EPB41L4A: variants seen among roughly 807,000 people sequenced by gnomAD.
The protein encoded by EPB41L4A is erythrocyte membrane protein band 4.1 like 4A.
Under a neutral mutation model 108.6 loss-of-function variants are expected in EPB41L4A, and 100 were observed. The observed-to-expected ratio is 0.92, with a 90% CI of 0.78 to 1.09. EPB41L4A has a LOEUF of 1.09. Among genes scored for constraint, EPB41L4A ranks in the 50% least tolerant of loss-of-function variants. The pLI, the probability that EPB41L4A is intolerant of heterozygous loss-of-function variation, is 0.00. For missense variants in EPB41L4A, 1,030 were observed against 842.7 expected (o/e 1.22, Z -2.75); for synonymous variants, 319 against 289.0 (o/e 1.10, Z -1.05).
intron 1 of EPB41L4A, among the ~76,000 whole-genome samples, chr5:112,367,179 C>T (rs571184161): frequency 1.3e-5 from 2 of 152,312 alleles, no homozygotes; most frequent in South Asian, 4.2e-4. Flanking sequence ...TCAGCTCTGC[C>T]CCTAGAGGAA....
At chr5:112,287,054 G>A (rs1382424000) in intron 2 of EPB41L4A, among the ~76,000 whole-genome samples, 5 of 152,108 alleles carry the variant, frequency 3.3e-5, no homozygotes, top group African/African-American at 1.2e-4. Flanking sequence ...GTTGCTGGTT[G>A]CTCATATTTC....
intron 2 of EPB41L4A, among the ~76,000 whole-genome samples, chr5:112,290,502 T>C (rs1753576865): frequency 6.6e-6 from 1 of 152,132 alleles, no homozygotes; most frequent in African/African-American, 2.4e-5. Flanking sequence ...CTTGAGAAAG[T>C]CCTGAATCCC....
intron 2 of EPB41L4A, among the ~76,000 whole-genome samples, chr5:112,293,185 A>T (rs1753761516): frequency 6.6e-6 from 1 of 151,706 alleles, no homozygotes; most frequent in South Asian, 2.1e-4. Flanking sequence ...TTGTACCTTT[A>T]TTGTTTTCAA....
At chr5:112,158,456 T>C (rs1028863640), downstream of EPB41L4A, 5 of 422,860 alleles carry the variant, frequency 1.2e-5, no homozygotes, top group East Asian at 3.7e-4. Context: ...AGGGAACAAA[T>C]ATCAGAGGTA....
intron 2 of EPB41L4A, among the ~76,000 whole-genome samples, chr5:112,288,007 C>A (rs57543557): frequency 0.024 from 3,682 of 152,290 alleles, 133 homozygotes; most frequent in African/African-American, 0.072. Flanking sequence ...CTTTCGCATT[C>A]CTAGTCCTAT....
At chr5:112,198,543 G>A (rs951037663) in intron 15 of EPB41L4A, among the ~76,000 whole-genome samples, 8 of 151,996 alleles carry the variant, frequency 5.3e-5, no homozygotes, top group South Asian at 2.1e-4. Flanking sequence ...CTTCAGTTCC[G>A]GAATATTCGC....
chr5:112,212,383 C>G (rs1235804844), intron 12 of EPB41L4A, among the ~76,000 whole-genome samples: 2 of 151,620 alleles, frequency 1.3e-5, no homozygotes, highest in African/African-American at 2.4e-5. Flanking sequence ...ACCTCTGCCT[C>G]CTCGGTTCAA....
rs562137785 is a variant in EPB41L4A, at chr5:112,280,265, T to C, written c.256+7A>G. On this transcript the variant is annotated splice_region_variant and intron_variant, in intron 3 of 22. Coordinates refer to ENST00000261486, the MANE Select transcript of EPB41L4A (RefSeq NM_022140.5). ...ACCCTTTAACAAAGTAAAAGCTAAA[T>C]ACCTACTGTTGATCAGTTCTTTGTG... is the stretch of plus-strand genomic sequence containing the variant. 7 of 1,613,130 alleles carry C rather than the reference T, an allele frequency of 4.3e-6. No individual in the cohort carries two copies. Among genetic ancestry groups the C allele is most frequent in the East Asian group, 4.5e-5 (2 of 44,860 alleles).
chr5:112,314,216 A>G (rs1412075581), intron 1 of EPB41L4A, among the ~76,000 whole-genome samples: 2 of 151,810 alleles, frequency 1.3e-5, no homozygotes, highest in African/African-American at 4.8e-5. Flanking sequence ...AGACCAAACT[A>G]TTACGGGCCA....
rs2053751242 is a variant in EPB41L4A, at chr5:112,204,474, G to T, written c.1277C>A (p.Ser426Tyr). 1 of 1,611,774 alleles carries T rather than the reference G, an allele frequency of 6.2e-7. No individual in the cohort carries two copies. The change falls in exon 15 of 23, where the codon TCT becomes TAT. Residue 426 changes from serine (S) to tyrosine (Y), a missense_variant. Coordinates refer to ENST00000261486, the MANE Select transcript of EPB41L4A (RefSeq NM_022140.5). ...TGGCGACTTAGTGCGATCACTGGGA[G>T]AATTGTAGAGTCCACTGGAGAGAAA... ...ENGPQSGLYNSPSDRTKSPKF... is the reference protein window; with the variant it reads ...ENGPQSGLYNYPSDRTKSPKF...
At chr5:112,230,630 C>A (rs1371738119) in intron 12 of EPB41L4A, among the ~76,000 whole-genome samples, 1 of 151,934 alleles carries the variant, frequency 6.6e-6, no homozygotes, top group South Asian at 2.1e-4. Context: ...GATATTAGTC[C>A]TTTGCTGGAT....
chr5:112,269,103 C>T (rs1216674838), intron 4 of EPB41L4A, among the ~76,000 whole-genome samples: 1 of 152,030 alleles, frequency 6.6e-6, no homozygotes, highest in Non-Finnish European at 1.5e-5. Context: ...ATAAATACTT[C>T]TTGATTTGCA....
chr5:112,419,518 G>A, upstream of EPB41L4A: 2 of 392,434 alleles, frequency 5.1e-6, no homozygotes, highest in Non-Finnish European at 1.0e-5. Context: ...CCTGGCGTCC[G>A]ATCGGCCTGC....
intron 2 of EPB41L4A, among the ~76,000 whole-genome samples, chr5:112,288,234 C>T (rs556597887): frequency 6.6e-6 from 1 of 152,264 alleles, no homozygotes; most frequent in South Asian, 2.1e-4. Context: ...ATCTAAGGTA[C>T]AGAAGAGCTT....
intron 1 of EPB41L4A, among the ~76,000 whole-genome samples, chr5:112,414,470 C>T (rs1183420314): frequency 6.6e-6 from 1 of 152,106 alleles, no homozygotes; most frequent in East Asian, 1.9e-4. Flanking sequence ...AGAGGTGCCA[C>T]ACATCTGGTG....
Position 112,219,165 on chromosome 5 carries a change from A to C in EPB41L4A, c.1088-9183T>G, listed in dbSNP as rs568569509. On this transcript the variant is annotated intron_variant, in intron 12 of 22. Transcript: ENST00000261486. ...TTGATATGGTTTGGCTGTGTCCCCA[A>C]CTCAAATCTCATCTTGAATTGTAAT... 8.8e-4 allele frequency among the ~76,000 whole-genome samples: 134 copies of C among 152,270 alleles called. 2 individuals carry two copies. The South Asian group carries it at 0.021, about 23-fold the overall frequency.
rs1467692253 is a variant in EPB41L4A at position 112,227,625 on chromosome 5, T to A, written c.1087+7009A>T. 3.9e-5 allele frequency among the ~76,000 whole-genome samples: 6 copies of A among 152,214 alleles called. No homozygotes were observed. In the East Asian group the frequency reaches 5.8e-4, roughly 15 times the overall value. On this transcript the variant is annotated intron_variant, in intron 12 of 22. Coordinates refer to ENST00000261486, the MANE Select transcript of EPB41L4A (RefSeq NM_022140.5). ...CAGCTTACTGGATCGCACTGATACA[T>A]CCGTCTCTATTCAGATAACTCACCT...
At chr5:112,214,738 C>A (rs1189410422) in intron 12 of EPB41L4A, among the ~76,000 whole-genome samples, 1 of 151,542 alleles carries the variant, frequency 6.6e-6, no homozygotes, top group Non-Finnish European at 1.5e-5. Flanking sequence ...TGCACTCCAG[C>A]CCAGGCGACA....
At chr5:112,281,911 ATTAT>A (rs1752987942) in intron 2 of EPB41L4A, among the ~76,000 whole-genome samples, 1 of 152,156 alleles carries the variant, frequency 6.6e-6, no homozygotes, top group Non-Finnish European at 1.5e-5. Flanking sequence ...TATAAGCTTC[ATTAT>A]TTGTCACTCA....
Sources: allele counts gnomAD v4.1 joint callset (sites outside exome capture counted in the v4.1 genomes callset), GRCh38; gene constraint gnomAD v4.1.1; transcripts MANE v1.5; gene names NCBI Gene and HGNC (gene_info 2026-07-23, HGNC 2026-07-21).